Variants in SH2D4A observed in about 807,000 individuals in gnomAD.
SH2D4A encodes the protein SH2 domain-containing protein 4A.
In SH2D4A, 70 loss-of-function variants were observed where a neutral mutation model predicts 64.7. The observed-to-expected ratio is 1.08, with a 90% CI of 0.89 to 1.32. The LOEUF (loss-of-function observed/expected upper bound fraction) is 1.32. Ranked by LOEUF, SH2D4A falls within the 40% of genes most tolerant of loss-of-function variation. The pLI is 0.00. For missense variants in SH2D4A, 706 were observed against 540.1 expected (o/e 1.31, Z -3.04); for synonymous variants, 268 against 200.7 (o/e 1.34, Z -2.83).
chr8:19,349,556 T>C (rs1038907867), intron 4 of SH2D4A, among the ~76,000 whole-genome samples: 4 of 152,218 alleles, frequency 2.6e-5, no homozygotes, highest in Admixed American at 6.5e-5. Flanking sequence ...AGTAGTATTC[T>C]AGATTCCTGA....
At chr8:19,391,957 A>G (rs539810589) in intron 8 of SH2D4A, among the ~76,000 whole-genome samples, 1 of 152,316 alleles carries the variant, frequency 6.6e-6, no homozygotes, top group African/African-American at 2.4e-5. Flanking sequence ...GAAAAAGGGC[A>G]CGCGTAGAAC....
chr8:19,371,529 A>T (rs1462317850), intron 7 of SH2D4A, among the ~76,000 whole-genome samples: 1 of 152,110 alleles, frequency 6.6e-6, no homozygotes, highest in Non-Finnish European at 1.5e-5. Context: ...GGGTTTGATT[A>T]TAATATGTCT....
At chr8:19,326,995 C>T (rs1259749270) in intron 2 of SH2D4A, among the ~76,000 whole-genome samples, 4 of 152,314 alleles carry the variant, frequency 2.6e-5, no homozygotes, top group Non-Finnish European at 5.9e-5. Flanking sequence ...CCGGCCATCT[C>T]CTTGCCAGGG....
At chr8:19,328,942 C>T (rs1432921359) in intron 2 of SH2D4A, among the ~76,000 whole-genome samples, 1 of 152,154 alleles carries the variant, frequency 6.6e-6, no homozygotes, top group Non-Finnish European at 1.5e-5. Context: ...AGTACAGGTC[C>T]TAAATTTCAG....
chr8:19,372,296 A>G (rs762618848), intron 7 of SH2D4A, among the ~76,000 whole-genome samples: 3 of 152,108 alleles, frequency 2.0e-5, no homozygotes, highest in Non-Finnish European at 2.9e-5. Context: ...AGCTCTCCCA[A>G]GGGCTCTATG....
intron 4 of SH2D4A, among the ~76,000 whole-genome samples, chr8:19,351,661 TATTA>T (rs766075430): frequency 1.4e-4 from 22 of 152,306 alleles, no homozygotes; most frequent in Non-Finnish European, 3.1e-4. Flanking sequence ...GATTTTATGC[TATTA>T]ATTCTTCATT....
intron 7 of SH2D4A, among the ~76,000 whole-genome samples, chr8:19,366,932 T>C (rs1371601337): frequency 6.6e-6 from 1 of 152,246 alleles, no homozygotes; most frequent in Non-Finnish European, 1.5e-5. Flanking sequence ...GACATTATTC[T>C]TTTTATGGAT....
At chr8:19,327,672 C>A (rs186315083) in intron 2 of SH2D4A, among the ~76,000 whole-genome samples, 17 of 152,296 alleles carry the variant, frequency 1.1e-4, no homozygotes, top group African/African-American at 3.8e-4. Flanking sequence ...TTAAAGAAAT[C>A]GTTCAGCCAA....
At chr8:19,366,908 G>C (rs1202881185) in intron 7 of SH2D4A, among the ~76,000 whole-genome samples, 1 of 152,144 alleles carries the variant, frequency 6.6e-6, no homozygotes, top group Non-Finnish European at 1.5e-5. Context: ...CATCCATTTT[G>C]TTGCAAATGA....
At position 19,368,901 on chromosome 8, in the gene SH2D4A, GTTTTGT is replaced by G. The variant is rs1419198584; in HGVS notation, c.917+4621_918-4622del. On this transcript the variant is annotated intron_variant, in intron 7 of 9. Transcript: ENST00000265807. Reference sequence around the variant, plus strand: ...AAAAGTGATGAAAGTGGACATTCTTGTTTTGTTCCAAGTTTTAAAGGAAAAACTTTC... The same window carrying G: ...AAAAGTGATGAAAGTGGACATTCTTGTCCAAGTTTTAAAGGAAAAACTTTC... Among the ~76,000 whole-genome samples the G allele has an allele frequency of 3.9e-5, 6 of 152,024 alleles. 1 individual carries two copies. In the East Asian group the frequency reaches 1.2e-3, roughly 29 times the overall value.
chr8:19,336,520 A>C (rs1252481463), intron 4 of SH2D4A, among the ~76,000 whole-genome samples: 1 of 152,066 alleles, frequency 6.6e-6, no homozygotes, highest in Non-Finnish European at 1.5e-5. Flanking sequence ...CCCTCCAACC[A>C]AGAACAACAG....
Position 19,361,192 on chromosome 8 carries a change from T to C in SH2D4A, c.595-11T>C. The C allele has an allele frequency of 2.0e-6, 3 of 1,464,414 alleles. No individual in the cohort carries two copies. Among genetic ancestry groups the C allele is most frequent in the Non-Finnish European group, 2.8e-6 (3 of 1,067,730 alleles). The allele number at this position is 1,464,414 out of a possible 1,614,324, so 90.7% of individuals were successfully genotyped here. A position where few individuals can be genotyped will look rare whatever the true frequency, so the allele number is the denominator to read the frequency against. ...TTTGTTTTTGTTTTTTTTTGTTTTG[T>C]TTTTAAACAGAAGAAAGAATCTATG... is the stretch of plus-strand genomic sequence containing the variant. On this transcript the variant is annotated splice_polypyrimidine_tract_variant and intron_variant, in intron 5 of 9. Transcript: ENST00000265807.
At chr8:19,335,920 T>C in intron 4 of SH2D4A, among the ~76,000 whole-genome samples, 1 of 152,338 alleles carries the variant, frequency 6.6e-6, no homozygotes, top group African/African-American at 2.4e-5. Flanking sequence ...TAACAGGGAT[T>C]TGCAGTTGTT....
chr8:19,346,831 C>T (rs1434797520), intron 4 of SH2D4A, among the ~76,000 whole-genome samples: 1 of 152,138 alleles, frequency 6.6e-6, no homozygotes, highest in Admixed American at 6.5e-5. Context: ...TACAGGATGC[C>T]GTTCTCTCAC....
chr8:19,369,909 T>C (rs891061575), intron 7 of SH2D4A, among the ~76,000 whole-genome samples: 2 of 152,076 alleles, frequency 1.3e-5, no homozygotes, highest in Admixed American at 6.5e-5. Context: ...TAAAATTACT[T>C]ATTTGATATC....
chr8:19,349,786 C>G (rs1028306069), intron 4 of SH2D4A, among the ~76,000 whole-genome samples: 1 of 152,220 alleles, frequency 6.6e-6, no homozygotes, highest in African/African-American at 2.4e-5. Context: ...CAGTCTCGCT[C>G]TCTACCTCCA....
chr8:19,373,546 A>C lies in SH2D4A; in HGVS notation c.934A>C (p.Arg312=). The C allele has an allele frequency of 6.2e-7, 1 of 1,606,878 alleles. No homozygotes were observed. Among genetic ancestry groups the C allele is most frequent in the Non-Finnish European group, 8.5e-7 (1 of 1,176,140 alleles). Residue 312 remains arginine, a synonymous_variant, in exon 8 of 10, where the codon AGG becomes CGG. Coordinates refer to ENST00000265807, the MANE Select transcript of SH2D4A (RefSeq NM_022071.4). Reference sequence around the variant, plus strand: ...AAATAACAGAAATCAGGGAGTGGTGAGGACACTGTCCAGCTCTGCCCAAGA... The same window carrying C: ...AAATAACAGAAATCAGGGAGTGGTGCGGACACTGTCCAGCTCTGCCCAAGA... ...QKPLRNQGVV[R]TLSSSAQEDI...
Position 19,394,558 on chromosome 8 carries a change from C to T in SH2D4A, c.1281C>T (p.Pro427=), listed in dbSNP as rs777840583. Residue 427 remains proline (P), a synonymous_variant, in exon 10 of 10, where the codon CCC becomes CCT. Coordinates refer to ENST00000265807, the MANE Select transcript of SH2D4A (RefSeq NM_022071.4). ...TGCCTTCTGATTGACAGGAGGAACC[C>T]ATCACTTCCCTGGGGAAGGAGCTCC... ...ADLVEYHKEE[P]ITSLGKELLL... is the part of the protein sequence containing the mutation. 692 of 1,605,632 alleles carry T rather than the reference C, an allele frequency of 4.3e-4. 4 individuals carry two copies. The highest frequency in any genetic ancestry group is 4.3e-5 in the Non-Finnish European group (50 of 1,175,382).
intron 7 of SH2D4A, among the ~76,000 whole-genome samples, chr8:19,368,201 T>C (rs1453123161): frequency 6.6e-6 from 1 of 152,202 alleles, no homozygotes; most frequent in East Asian, 1.9e-4. Flanking sequence ...TTCTTTATTC[T>C]GTTTCATTGT....
Sources: allele counts gnomAD v4.1 joint callset (sites outside exome capture counted in the v4.1 genomes callset), GRCh38; gene constraint gnomAD v4.1.1; transcripts MANE v1.5; gene names NCBI Gene and HGNC (gene_info 2026-07-23, HGNC 2026-07-21).